The following PRAM1 variants were observed in gnomAD, a reference collection of about 807,000 sequenced individuals.
PRAM1 encodes PML-RARA-regulated adapter molecule 1.
PRAM1 carries 41 observed loss-of-function variants against 55.3 expected under a neutral mutation model. The observed-to-expected ratio is 0.74, with a 90% CI of 0.58 to 0.96. PRAM1 has a LOEUF of 0.96. Ranked by LOEUF, PRAM1 falls within the 40% of genes least tolerant of loss-of-function variation. The probability of loss-of-function intolerance (pLI) is 0.00; values close to 1 mark genes in which losing one functional copy is unlikely to be tolerated. For synonymous variants in PRAM1, 401 were observed against 387.1 expected, an observed-to-expected ratio of 1.04 and a Z score of -0.42; for missense variants, 898 against 892.7, an observed-to-expected ratio of 1.01 and a Z score of -0.08.
In PRAM1 at chr19:8,490,407, G is replaced by A. The variant is rs746949892; in HGVS notation, c.1941-35C>T. The stretch of plus-strand genomic sequence containing the variant: ...CACAGTTGGGTCAGCAAGGGGCACC[G>A]TGGCCCATTCCCCCCACCCTGCACC... On this transcript the variant is annotated intron_variant, in intron 8 of 9. Coordinates refer to ENST00000423345, the MANE Select transcript of PRAM1 (RefSeq NM_032152.5). This position sits in a 1 kb window ranked among gnomAD's most constrained non-coding sequence, Gnocchi z 7.3. 1.4e-5 allele frequency: 23 copies of A among 1,613,690 alleles called. No individual in the cohort carries two copies. Among genetic ancestry groups the A allele is most frequent in the East Asian group, 6.7e-5 (3 of 44,862 alleles).
chr19:8,499,050 G>A lies in PRAM1; in HGVS notation c.758C>T (p.Pro253Leu). ...CTCGCTGGACTGAGGCTTCCAGAGG[G>A]GAGTCTGAGCGGCCTCGCTGAACTC... The part of the protein sequence containing the change: ...QPEFSEAAQT[P>L]LWKPQSSEPK... The change falls in exon 2 of 10, where the codon CCC becomes CTC. Residue 253 changes from proline (P) to leucine (L), a missense_variant. Pro to Leu is a moderately conservative substitution (Grantham distance 98). Coordinates refer to ENST00000423345, the MANE Select transcript of PRAM1 (RefSeq NM_032152.5). 1 of 1,613,510 alleles carries A rather than the reference G, an allele frequency of 6.2e-7. No homozygotes were observed. The highest frequency in any genetic ancestry group is 8.5e-7 in the Non-Finnish European group (1 of 1,179,780).
At position 8,498,841 on chromosome 19, in the gene PRAM1, G is replaced by A; in HGVS notation, c.967C>T (p.Gln323Ter). 6.2e-7 allele frequency: 1 copy of A among 1,604,396 alleles called. No individual in the cohort carries two copies. The highest frequency in any genetic ancestry group is 2.2e-5 in the East Asian group (1 of 44,476). Reference protein sequence around the residue: ...EFKALSKKPPQPELGGLPRTS... With the variant: ...EFKALSKKPP ...CTGGGGAGGCCGCCCAGCTCGGGCT[G>A]CGGGGGCTTCTTGGAGAGCGCTTTG... The change falls in exon 2 of 10, where the codon CAG becomes TAG. Residue 323 changes from glutamine (Q) to a stop codon, truncating the protein, a stop_gained. Coordinates refer to ENST00000423345, the MANE Select transcript of PRAM1 (RefSeq NM_032152.5). LOFTEE classifies it high-confidence loss of function.
chr19:8,497,373 C>T (rs928447417), intron 4 of PRAM1, among the ~76,000 whole-genome samples: 8 of 152,146 alleles, frequency 5.3e-5, no homozygotes, highest in Admixed American at 2.0e-4. Flanking sequence ...GATGAGGTCT[C>T]GCTCTGTGGC....
rs1372347069 is a variant in PRAM1, at chr19:8,498,718, C to T, written c.1090G>A (p.Ala364Thr). The T allele has an allele frequency of 1.9e-6, 3 of 1,590,686 alleles. No homozygotes were observed. The highest frequency in any genetic ancestry group is 2.7e-5 in the African/African-American group (2 of 74,288). Residue 364 changes from alanine (A) to threonine (T), a missense_variant, in exon 2 of 10, where the codon GCT becomes ACT. Physicochemically the swap from Ala to Thr is moderately conservative, Grantham distance 58. Transcript: ENST00000423345. ...PRKFSQPEPS[A>T]VLKRHPQPEF... ...GGCTGCGGGTGTCTCTTGAGGACAG[C>T]GCTGGGCTCAGGCTGTGAGAACTTG...
At chr19:8,495,621 CAG>C (rs1286774872) in intron 4 of PRAM1, among the ~76,000 whole-genome samples, 2 of 152,162 alleles carry the variant, frequency 1.3e-5, no homozygotes, top group Non-Finnish European at 2.9e-5. Flanking sequence ...GATTTAGGGA[CAG>C]GCAGGCAAGG....
At chr19:8,502,220 T>C (rs1971815444) in intron 1 of PRAM1, among the ~76,000 whole-genome samples, 1 of 151,956 alleles carries the variant, frequency 6.6e-6, no homozygotes. Flanking sequence ...CATGACCCAC[T>C]TTGTCACCCC....
chr19:8,491,328 G>A, intron 4 of PRAM1, 171 bp from the exon 5 acceptor site: 1 of 677,258 alleles, frequency 1.5e-6, no homozygotes, highest in Non-Finnish European at 2.6e-6. Context: ...TCGCCTCCTG[G>A]GTTCAAGCGA....
chr19:8,500,623 G>C (rs1037656940), intron 1 of PRAM1, among the ~76,000 whole-genome samples: 3 of 151,736 alleles, frequency 2.0e-5, no homozygotes, highest in Admixed American at 6.6e-5. Context: ...CCTGCACCCT[G>C]AACACTTCCC....
In PRAM1 at chr19:8,498,565, T is replaced by C; in HGVS notation, c.1243A>G (p.Thr415Ala). 1.2e-6 allele frequency: 2 copies of C among 1,611,952 alleles called. No homozygotes were observed. Among genetic ancestry groups the C allele is most frequent in the Non-Finnish European group, 1.7e-6 (2 of 1,179,428 alleles). The change falls in exon 2 of 10, where the codon ACA (threonine) becomes GCA (alanine). Residue 415 changes from threonine to alanine, a missense_variant. Physicochemically the swap from Thr to Ala is moderately conservative, Grantham distance 58 (BLOSUM62 0). Transcript: ENST00000423345. ...AGGCCTCCTGACCTCCAGCGGGGTG[T>C]CCCAGCCGCTCCAAACCCAGGGCTG... ...PLSPGFGAAG[T>A]PRWRSGGLVH...
chr19:8,496,942 C>T (rs1791230617), intron 4 of PRAM1, among the ~76,000 whole-genome samples: 1 of 152,078 alleles, frequency 6.6e-6, no homozygotes, highest in South Asian at 2.1e-4. Flanking sequence ...AGGAGAATGG[C>T]ATGAACCCGG....
chr19:8,495,986 G>A, intron 4 of PRAM1: 1 of 450,286 alleles, frequency 2.2e-6, no homozygotes, highest in Non-Finnish European at 4.5e-6. Context: ...TATTCACCCA[G>A]CACAAACTTC....
At chr19:8,502,170 G>A (rs1463649843) in intron 1 of PRAM1, among the ~76,000 whole-genome samples, 1 of 152,192 alleles carries the variant, frequency 6.6e-6, no homozygotes. Context: ...ATAAGTCAGG[G>A]TTAGCAGGTC....
Position 8,493,303 on chromosome 19 carries a change from G to A in PRAM1, c.1577-2146C>T, listed in dbSNP as rs1242367353. ...GTAGTCCCTCCAAGCAGCCCAAGGA[G>A]CAGCACCTGAATCGTGCCCGCCAGA... On this transcript the variant is annotated intron_variant, in intron 4 of 9. Coordinates refer to ENST00000423345, the MANE Select transcript of PRAM1 (RefSeq NM_032152.5). This position sits in a 1 kb window ranked among gnomAD's most constrained non-coding sequence, Gnocchi z 4.1. 6.6e-6 allele frequency among the ~76,000 whole-genome samples: 1 copy of A among 152,194 alleles called. No individual in the cohort carries two copies. Among genetic ancestry groups the A allele is most frequent in the Non-Finnish European group, 1.5e-5 (1 of 68,038 alleles).
At position 8,490,380 on chromosome 19, in the gene PRAM1, A is replaced by T; in HGVS notation, c.1941-8T>A. The T allele has an allele frequency of 6.2e-7, 1 of 1,613,956 alleles. No individual in the cohort carries two copies. Among genetic ancestry groups the T allele is most frequent in the Non-Finnish European group, 8.5e-7 (1 of 1,179,890 alleles). On this transcript the variant is annotated splice_polypyrimidine_tract_variant and splice_region_variant and intron_variant, in intron 8 of 9. Coordinates refer to ENST00000423345, the MANE Select transcript of PRAM1 (RefSeq NM_032152.5). The surrounding 1 kb of genome is among the most constrained non-coding windows in gnomAD (Gnocchi z 7.3). The stretch of plus-strand genomic sequence containing the variant: ...TCGTACACCTCCGTCTCCCTGGCAG[A>T]GCACAGTTGGGTCAGCAAGGGGCAC...
Position 8,490,561 on chromosome 19 carries a change from A to ACCTCCCGGGGCTGCGGGGC in PRAM1, c.1906+14_1906+32dup. On this transcript the variant is annotated intron_variant, in intron 7 of 9. Coordinates refer to ENST00000423345, the MANE Select transcript of PRAM1 (RefSeq NM_032152.5). This position sits in a 1 kb window ranked among gnomAD's most constrained non-coding sequence, Gnocchi z 7.3. Reference sequence around the variant, plus strand: ...TCTGAGGCCCAGGGTGGCGGCGGGGACCTCCCGGGGCTGCGGGGCCGGGCG... The same window carrying ACCTCCCGGGGCTGCGGGGC: ...TCTGAGGCCCAGGGTGGCGGCGGGGACCTCCCGGGGCTGCGGGGCCCTCCCGGGGCTGCGGGGCCGGGCG... 1.3e-6 allele frequency: 2 copies of ACCTCCCGGGGCTGCGGGGC among 1,595,792 alleles called. No homozygotes were observed. The highest frequency in any genetic ancestry group is 1.7e-6 in the Non-Finnish European group (2 of 1,172,000).
At position 8,499,150 on chromosome 19, in the gene PRAM1, C is replaced by G. The variant is rs750657864; in HGVS notation, c.658G>C (p.Glu220Gln). Residue 220 changes from glutamate (E) to glutamine (Q), a missense_variant, in exon 2 of 10, where the codon GAG becomes CAG. Coordinates refer to ENST00000423345, the MANE Select transcript of PRAM1 (RefSeq NM_032152.5). ...STFPKKPAQP[E>Q]FNVYPKKPPQ... is the part of the protein sequence containing the mutation. ...GGCTTTTTGGGGTACACGTTGAACT[C>G]AGGCTGCGCAGGCTTCTTGGGAAAG... 7.4e-6 allele frequency: 12 copies of G among 1,613,820 alleles called. 1 individual carries two copies. The South Asian group carries it at 9.9e-5, about 13-fold the overall frequency.
rs774699819 is a variant in PRAM1 at position 8,499,280 on chromosome 19, G to C, written c.528C>G (p.Pro176=). 1 of 1,609,572 alleles carries C rather than the reference G, an allele frequency of 6.2e-7. No individual in the cohort carries two copies. Among genetic ancestry groups the C allele is most frequent in the East Asian group, 2.2e-5 (1 of 44,806 alleles). Residue 176 remains proline, a synonymous_variant, in exon 2 of 10, where the codon CCC becomes CCG. Transcript: ENST00000423345. ...ATTTGGGTTCGGAGGGGGGTCTGGCGGGGTGACTGAGTTCGTCGGGCTGCA... is the reference window on the plus strand; with the variant it reads ...ATTTGGGTTCGGAGGGGGGTCTGGCCGGGTGACTGAGTTCGTCGGGCTGCA... ...KPLQPDELSH[P]ARPPSEPKSG...
At position 8,498,707 on chromosome 19, in the gene PRAM1, CTT is replaced by C. The variant is rs747340369; in HGVS notation, c.1099_1100del (p.Lys367GlufsTer6). 8.8e-6 allele frequency: 14 copies of C among 1,598,058 alleles called. No individual in the cohort carries two copies. Among genetic ancestry groups the C allele is most frequent in the Non-Finnish European group, 1.1e-5 (13 of 1,173,002 alleles). ...CGAAGAACTCAGGCTGCGGGTGTCT[CTT>C]GAGGACAGCGCTGGGCTCAGGCTGT... is the stretch of plus-strand genomic sequence containing the variant. ...FSQPEPSAVL[K>X]RHPQPEFFGD... On this transcript the variant is annotated frameshift_variant, in exon 2 of 10. Coordinates refer to ENST00000423345, the MANE Select transcript of PRAM1 (RefSeq NM_032152.5). LOFTEE classifies it high-confidence loss of function.
At chr19:8,494,040 C>A (rs143034353) in intron 4 of PRAM1, among the ~76,000 whole-genome samples, 4 of 152,294 alleles carry the variant, frequency 2.6e-5, no homozygotes, top group African/African-American at 9.6e-5. Context: ...TCAACTGATC[C>A]GCCTGCCTCC....
Sources: allele counts gnomAD v4.1 joint callset (sites outside exome capture counted in the v4.1 genomes callset), GRCh38; gene constraint gnomAD v4.1.1; non-coding constraint Gnocchi (gnomAD v3.1); transcripts MANE v1.5; gene names NCBI Gene and HGNC (gene_info 2026-07-23, HGNC 2026-07-21).